NTRK3: variants seen among roughly 807,000 people sequenced by gnomAD.
NTRK3 encodes neurotrophic receptor tyrosine kinase 3.
In NTRK3, 24 loss-of-function variants were observed where a neutral mutation model predicts 91.7. The ratio of observed to expected loss-of-function variants is 0.26; its 90% confidence interval spans 0.19 to 0.37. NTRK3 has a LOEUF of 0.37. Ranked by LOEUF, NTRK3 falls within the 10% of genes least tolerant of loss-of-function variation. NTRK3 has a pLI of 1.00. For missense variants in NTRK3, 880 were observed against 1,068.9 expected, an observed-to-expected ratio of 0.82 and a Z score of 2.46; for synonymous variants, 483 against 404.0, an observed-to-expected ratio of 1.20 and a Z score of -2.34.
At chr15:87,982,619 G>A (rs1404260502) in intron 14 of NTRK3, among the ~76,000 whole-genome samples, 1 of 152,180 alleles carries the variant, frequency 6.6e-6, no homozygotes, top group Non-Finnish European at 1.5e-5. Context: ...TTGGGAAAGG[G>A]AGGGACACTG....
chr15:87,938,630 G>A (rs750667185), intron 15 of NTRK3, among the ~76,000 whole-genome samples: 16 of 152,094 alleles, frequency 1.1e-4, no homozygotes, highest in South Asian at 2.1e-4. Context: ...CAGACCACTC[G>A]GGGAAACATT....
exon 1 of NTRK3, chr15:88,256,718 G>T: frequency 2.7e-6 from 1 of 367,300 alleles, no homozygotes; most frequent in Admixed American, 4.6e-5. Flanking sequence ...CTCGCCGCGC[G>T]GCTGCAGAAA....
intron 3 of NTRK3, among the ~76,000 whole-genome samples, chr15:88,192,027 C>G (rs527578662): frequency 6.6e-6 from 1 of 152,334 alleles, no homozygotes; most frequent in South Asian, 2.1e-4. Context: ...CACGGTGAAC[C>G]AGCCCCGCAT....
At chr15:87,965,263 A>G (rs1229007474) in intron 14 of NTRK3, among the ~76,000 whole-genome samples, 1 of 152,262 alleles carries the variant, frequency 6.6e-6, no homozygotes, top group Non-Finnish European at 1.5e-5. Context: ...CTGTGAATAT[A>G]AATTACCTTT....
At chr15:88,205,450 G>A (rs555013279) in intron 3 of NTRK3, among the ~76,000 whole-genome samples, 3 of 152,276 alleles carry the variant, frequency 2.0e-5, no homozygotes, top group East Asian at 3.9e-4. Flanking sequence ...GCATGGCAGC[G>A]ATGCTTACGT....
intron 17 of NTRK3, among the ~76,000 whole-genome samples, chr15:87,901,761 GGGA>G (rs202068356): frequency 0.02 from 2,957 of 150,284 alleles, 88 homozygotes; most frequent in African/African-American, 0.046. Context: ...AGGAAAGTTG[GGGA>G]GGGGGGGAGA....
Position 88,033,878 on chromosome 15 carries a change from T to C in NTRK3, c.1397-833A>G, listed in dbSNP as rs115901812. Among the ~76,000 whole-genome samples the C allele has an allele frequency of 3.7e-3, 567 of 152,300 alleles. 8 individuals carry two copies. Among genetic ancestry groups the C allele is most frequent in the African/African-American group, 0.013 (549 of 41,552 alleles). On this transcript the variant is annotated intron_variant, in intron 13 of 18. Transcript: ENST00000394480. ...TAGGATTTTAAAAATGACCTAGCAG[T>C]AGTGTGCACCCTGTACCTCCTCTTC...
intron 5 of NTRK3, among the ~76,000 whole-genome samples, chr15:88,173,869 T>G (rs59552106): frequency 0.017 from 2,593 of 152,336 alleles, 62 homozygotes; most frequent in African/African-American, 0.059. Context: ...CACTTAGCAG[T>G]TATGAAACCT....
At chr15:88,069,701 A>G (rs547198517) in intron 13 of NTRK3, among the ~76,000 whole-genome samples, 92 of 152,170 alleles carry the variant, frequency 6.0e-4, no homozygotes, top group Non-Finnish European at 1.0e-3. Flanking sequence ...AACACGTAGG[A>G]TTTTGCTTCC....
intron 13 of NTRK3, among the ~76,000 whole-genome samples, chr15:88,078,440 G>C (rs1426029677): frequency 2.6e-5 from 4 of 152,204 alleles, no homozygotes; most frequent in Admixed American, 2.6e-4. Flanking sequence ...CTTGAAGTCA[G>C]GAGTTCAAAG....
At chr15:88,020,367 C>T (rs888343846) in intron 14 of NTRK3, among the ~76,000 whole-genome samples, 4 of 152,112 alleles carry the variant, frequency 2.6e-5, no homozygotes, top group Admixed American at 6.5e-5. Flanking sequence ...ATTACAGTTC[C>T]GACTCCTAAG....
At chr15:87,952,532 C>G (rs969817063) in intron 14 of NTRK3, among the ~76,000 whole-genome samples, 6 of 152,174 alleles carry the variant, frequency 3.9e-5, no homozygotes, top group African/African-American at 4.8e-5. Context: ...CAGACAGCTC[C>G]CCGTCCCTCC....
intron 14 of NTRK3, among the ~76,000 whole-genome samples, chr15:88,023,575 G>T (rs1042675594): frequency 1.3e-5 from 2 of 152,186 alleles, no homozygotes; most frequent in African/African-American, 4.8e-5. Context: ...TTCCCCTAGA[G>T]TGGACTGTCA....
intron 14 of NTRK3, chr15:87,981,462 A>G: frequency 1.1e-5 from 17 of 1,541,802 alleles, no homozygotes; most frequent in Non-Finnish European, 1.5e-5. Flanking sequence ...TGCCAGAAAC[A>G]GAAATCCAGG....
intron 3 of NTRK3, chr15:88,209,841 A>G (rs988778307): frequency 2.6e-5 from 4 of 152,226 alleles, no homozygotes; most frequent in Non-Finnish European, 5.9e-5. Flanking sequence ...GTCCTGGGAG[A>G]TGTAATTTCC....
intron 14 of NTRK3, among the ~76,000 whole-genome samples, chr15:87,953,127 C>T (rs2071311968): frequency 6.6e-6 from 1 of 152,210 alleles, no homozygotes; most frequent in Non-Finnish European, 1.5e-5. Flanking sequence ...GTTAAACGCA[C>T]TGGCCGGTGG....
At chr15:87,981,275 A>C in intron 14 of NTRK3, 1 of 1,589,804 alleles carries the variant, frequency 6.3e-7, no homozygotes, top group Non-Finnish European at 8.6e-7. Flanking sequence ...CAGGTTCCTC[A>C]TATATATAGT....
intron 13 of NTRK3, among the ~76,000 whole-genome samples, chr15:88,087,473 C>T (rs1004893602): frequency 6.6e-6 from 1 of 152,174 alleles, no homozygotes; most frequent in South Asian, 2.1e-4. Context: ...TCATGAATTC[C>T]GGTCCTTAGC....
At chr15:87,990,010 T>A (rs536658091) in intron 14 of NTRK3, among the ~76,000 whole-genome samples, 15 of 152,180 alleles carry the variant, frequency 9.9e-5, no homozygotes, top group Non-Finnish European at 2.2e-4. Context: ...TATTGTCTAA[T>A]TTGTTGCTGC....
Sources: allele counts gnomAD v4.1 joint callset (sites outside exome capture counted in the v4.1 genomes callset), GRCh38; gene constraint gnomAD v4.1.1; transcripts MANE v1.5; gene names NCBI Gene and HGNC (gene_info 2026-07-23, HGNC 2026-07-21).